Variants in CDH4 observed in about 807,000 individuals in gnomAD.
The protein encoded by CDH4 is cadherin-4.
A neutral mutation model predicts 86.0 loss-of-function variants in CDH4; 33 were observed. The ratio of observed to expected loss-of-function variants is 0.38; its 90% CI spans 0.29 to 0.51. The LOEUF is 0.51. Among genes scored for constraint, CDH4 ranks in the 20% least tolerant of loss-of-function variants. CDH4 has a pLI of 0.86. For synonymous variants in CDH4, 555 were observed against 549.4 expected (o/e 1.01, Z -0.14); for missense variants, 1,114 against 1,307.4 (o/e 0.85, Z 2.28).
rs1307654109 is a variant in CDH4 at position 61,702,647 on chromosome 20, T to A, written c.170-40916T>A. Among the ~76,000 whole-genome samples the A allele has an allele frequency of 2.0e-5, 3 of 152,228 alleles. No homozygotes were observed. In the East Asian group the frequency reaches 5.8e-4, roughly 29 times the overall value. On this transcript the variant is annotated intron_variant, in intron 2 of 15. Coordinates refer to ENST00000614565, the MANE Select transcript of CDH4 (RefSeq NM_001794.5). Reference sequence around the variant, plus strand: ...TTGTAATTACACACTTTTTAATTTATCTGTGTATGCATCTTAAAATCACAA... The same window carrying A: ...TTGTAATTACACACTTTTTAATTTAACTGTGTATGCATCTTAAAATCACAA...
At chr20:61,604,866 C>G (rs1463618387) in intron 2 of CDH4, among the ~76,000 whole-genome samples, 1 of 152,112 alleles carries the variant, frequency 6.6e-6, no homozygotes, top group African/African-American at 2.4e-5. Context: ...GCCAGGGACC[C>G]TGGTATAATT....
chr20:61,273,624 T>A (rs1456202580), intron 2 of CDH4, among the ~76,000 whole-genome samples: 6 of 132,808 alleles, frequency 4.5e-5, no homozygotes, highest in Non-Finnish European at 9.3e-5. Flanking sequence ...TTTGGGGGAT[T>A]ACTGCGTGCA....
At chr20:61,883,418 G>A (rs1170768997) in intron 7 of CDH4, among the ~76,000 whole-genome samples, 4 of 152,162 alleles carry the variant, frequency 2.6e-5, no homozygotes, top group East Asian at 1.9e-4. Context: ...GTCACAGCTC[G>A]GTGGGGGGCA....
At chr20:61,299,429 C>T (rs1568787934) in intron 2 of CDH4, among the ~76,000 whole-genome samples, 1 of 152,172 alleles carries the variant, frequency 6.6e-6, no homozygotes, top group Non-Finnish European at 1.5e-5. Flanking sequence ...GTTTGTGATA[C>T]TTTGTTATGG....
chr20:61,456,904 T>C (rs1302331303), intron 2 of CDH4, among the ~76,000 whole-genome samples: 10 of 152,210 alleles, frequency 6.6e-5, no homozygotes, highest in Non-Finnish European at 1.3e-4. Context: ...TAAGTTAACA[T>C]GCTGGGAATG....
At chr20:61,350,857 G>A (rs1184206132) in intron 2 of CDH4, among the ~76,000 whole-genome samples, 2 of 117,900 alleles carry the variant, frequency 1.7e-5, no homozygotes. Context: ...TGAGCATGTC[G>A]CATGCTGCCT....
intron 2 of CDH4, among the ~76,000 whole-genome samples, chr20:61,332,920 G>C (rs537893655): frequency 6.6e-6 from 1 of 152,194 alleles, no homozygotes; most frequent in Non-Finnish European, 1.5e-5. Context: ...GGAGGCTGAC[G>C]CGCCCTTGCC....
chr20:61,581,131 G>A (rs114370367), intron 2 of CDH4, among the ~76,000 whole-genome samples: 2 of 152,188 alleles, frequency 1.3e-5, no homozygotes, highest in East Asian at 1.9e-4. Context: ...CTTGCTTCCC[G>A]CTGGCCTGGT....
intron 8 of CDH4, among the ~76,000 whole-genome samples, chr20:61,901,898 A>G (rs1024165816): frequency 5.3e-5 from 8 of 152,202 alleles, no homozygotes; most frequent in Non-Finnish European, 1.0e-4. Context: ...CAGTGGCACC[A>G]CTGTCCGTCA....
At chr20:61,897,317 C>T (rs1317205311) in intron 8 of CDH4, among the ~76,000 whole-genome samples, 1 of 151,886 alleles carries the variant, frequency 6.6e-6, no homozygotes, top group East Asian at 1.9e-4. Context: ...GCAAGCCCTA[C>T]CCCTCATCTC....
Position 61,559,482 on chromosome 20 carries a change from AC to A in CDH4, c.170-184078del, listed in dbSNP as rs2086200202. ...TGGTCTGATCCAGCAGTTAAAGATC[AC>A]CCAGTTAGAGTCTCCTTTCTTTTTA... On this transcript the variant is annotated intron_variant, in intron 2 of 15. Coordinates refer to ENST00000614565, the MANE Select transcript of CDH4 (RefSeq NM_001794.5). Among the ~76,000 whole-genome samples, 3 of 143,106 alleles carry A rather than the reference AC, an allele frequency of 2.1e-5. No individual in the cohort carries two copies. In the South Asian group the frequency reaches 6.9e-4, roughly 33 times the overall value. 93.9% of individuals were successfully genotyped at this position (143,106 alleles called of 152,430 possible). A position where few individuals can be genotyped will look rare whatever the true frequency, so the allele number is the denominator to read the frequency against.
intron 2 of CDH4, among the ~76,000 whole-genome samples, chr20:61,699,167 C>T (rs373459335): frequency 1.3e-4 from 20 of 152,204 alleles, no homozygotes; most frequent in South Asian, 4.1e-4. Flanking sequence ...GGCGCACAGG[C>T]GCTCTGACCT....
At chr20:61,857,955 G>T (rs1181362078) in intron 6 of CDH4, among the ~76,000 whole-genome samples, 1 of 119,122 alleles carries the variant, frequency 8.4e-6, no homozygotes, top group Non-Finnish European at 1.9e-5. Context: ...CTCTGTGTCT[G>T]TGTGTGTCTC....
chr20:61,688,093 G>A lies in CDH4; in HGVS notation c.170-55470G>A, dbSNP rs1323116612. 5.3e-5 allele frequency among the ~76,000 whole-genome samples: 8 copies of A among 152,062 alleles called. No individual in the cohort carries two copies. In the East Asian group the frequency reaches 5.8e-4, roughly 11 times the overall value. ...GTGGACAGGATCACAGGACCCCGCC[G>A]ACAGCCCAGGTCTCCCCTACAGCAG... On this transcript the variant is annotated intron_variant, in intron 2 of 15. Coordinates refer to ENST00000614565, the MANE Select transcript of CDH4 (RefSeq NM_001794.5).
intron 2 of CDH4, among the ~76,000 whole-genome samples, chr20:61,525,898 G>A (rs1385857587): frequency 1.3e-5 from 2 of 152,198 alleles, no homozygotes. Context: ...GAGCCACCGG[G>A]AAGGAAATGC....
intron 2 of CDH4, among the ~76,000 whole-genome samples, chr20:61,716,877 G>A (rs770953898): frequency 7.9e-5 from 12 of 152,078 alleles, no homozygotes; most frequent in African/African-American, 1.7e-4. Flanking sequence ...CACTGTACTC[G>A]AGCCTGGGCA....
intron 2 of CDH4, among the ~76,000 whole-genome samples, chr20:61,742,274 G>C (rs1473689359): frequency 2.0e-5 from 3 of 152,174 alleles, no homozygotes; most frequent in South Asian, 2.1e-4. Flanking sequence ...TGTTGAACCA[G>C]ACAGGGTGGA....
rs376638308 is a variant in CDH4 at position 61,934,126 on chromosome 20, G to A, written c.2450G>A (p.Arg817His). The change falls in exon 15 of 16, where the codon CGT becomes CAT. Residue 817 changes from arginine (R) to histidine (H), a missense_variant. Around this residue, in one of 3 missense-constraint regions of CDH4, gnomAD observed 188 missense variants for 183.8 expected, o/e 1.02. Transcript: ENST00000614565. ...GHVPSKAPGV[R>H]RVDERPVGAE... ...GTGCCAAGCAAAGCCCCTGGCGTGC[G>A]TCGCGTGGATGAGCGGCCGGTGGGC... 133 of 1,611,194 alleles carry A rather than the reference G, an allele frequency of 8.3e-5. No homozygotes were observed. The highest frequency in any genetic ancestry group is 1.0e-4 in the Non-Finnish European group (118 of 1,179,498).
At position 61,691,872 on chromosome 20, in the gene CDH4, A is replaced by C. The variant is rs1320339872; in HGVS notation, c.170-51691A>C. ...ATGACTGTGTATCGCACACCTGTCT[A>C]TGTGTGTATGTGTATATATGCATGT... On this transcript the variant is annotated intron_variant, in intron 2 of 15. Transcript: ENST00000614565. Among the ~76,000 whole-genome samples the C allele has an allele frequency of 4.7e-5, 6 of 127,434 alleles. No homozygotes were observed. The East Asian group carries it at 1.6e-3, about 35-fold the overall frequency. The allele number at this position is 127,434 out of a possible 152,430, so 83.6% of individuals were successfully genotyped here. A position where few individuals can be genotyped will look rare whatever the true frequency, so the allele number is the denominator to read the frequency against.
Sources: gnomAD v4.1 joint callset for allele counts (sites outside exome capture counted in the v4.1 genomes callset) on GRCh38, gnomAD v4.1.1 for gene constraint, gnomAD v4.1.1 regional missense constraint, MANE v1.5 for transcripts, NCBI Gene and HGNC (gene_info 2026-07-23, HGNC 2026-07-21) for gene names.